TMPRSS12: variants seen among roughly 807,000 people sequenced by gnomAD.
TMPRSS12 encodes the protein transmembrane serine protease 12, also known as transmembrane protease serine 12.
In TMPRSS12, 25 loss-of-function variants were observed where a neutral mutation model predicts 26.0. The ratio of observed to expected loss-of-function variants is 0.96; its 90% CI spans 0.70 to 1.34. TMPRSS12 has a LOEUF of 1.34. Among genes scored for constraint, TMPRSS12 ranks in the 40% most tolerant of loss-of-function variants. The pLI is 0.00. For missense variants in TMPRSS12, 441 were observed against 440.1 expected (o/e 1.00, Z -0.02); for synonymous variants, 150 against 161.7 (o/e 0.93, Z 0.55).
intron 3 of TMPRSS12, among the ~76,000 whole-genome samples, chr12:50,878,809 G>A (rs56979742): frequency 0.029 from 4,485 of 152,264 alleles, 220 homozygotes; most frequent in African/African-American, 0.1. Flanking sequence ...GGTACAATCT[G>A]AATGTTTGTG....
At chr12:50,848,544 G>T (rs560999280) in intron 2 of TMPRSS12, among the ~76,000 whole-genome samples, 74 of 152,228 alleles carry the variant, frequency 4.9e-4, no homozygotes, top group Admixed American at 1.4e-3. Flanking sequence ...TCACTGAATG[G>T]CTTCCTTATA....
intron 3 of TMPRSS12, among the ~76,000 whole-genome samples, chr12:50,878,079 G>T (rs1219001146): frequency 1.3e-5 from 2 of 151,904 alleles, no homozygotes; most frequent in African/African-American, 4.8e-5. Flanking sequence ...TTGTTAATAC[G>T]GCAATTATTC....
chr12:50,848,086 G>A (rs1305187450), intron 2 of TMPRSS12: 1 of 151,352 alleles, frequency 6.6e-6, no homozygotes, highest in Non-Finnish European at 1.5e-5. Flanking sequence ...AGTTTATGGT[G>A]ATAACTTTAT....
At chr12:50,847,419 A>G (rs536365823) in intron 2 of TMPRSS12, among the ~76,000 whole-genome samples, 1 of 151,998 alleles carries the variant, frequency 6.6e-6, no homozygotes, top group Non-Finnish European at 1.5e-5. Flanking sequence ...ACTTTTTCCC[A>G]TATTGGGGAA....
intron 2 of TMPRSS12, among the ~76,000 whole-genome samples, chr12:50,846,518 A>G (rs1937769198): frequency 6.6e-6 from 1 of 151,524 alleles, no homozygotes; most frequent in African/African-American, 2.4e-5. Flanking sequence ...TTATGCTAGT[A>G]TCACACACTC....
intron 3 of TMPRSS12, among the ~76,000 whole-genome samples, chr12:50,869,937 G>A (rs1169263480): frequency 1.3e-5 from 2 of 152,124 alleles, no homozygotes; most frequent in African/African-American, 4.8e-5. Flanking sequence ...AGAAAAATTA[G>A]CTGGGCATGG....
chr12:50,866,335 C>G (rs1263838599), intron 3 of TMPRSS12, among the ~76,000 whole-genome samples: 2 of 152,080 alleles, frequency 1.3e-5, no homozygotes, highest in Non-Finnish European at 1.5e-5. Context: ...TGTGTGGGAG[C>G]TGGATGAGGC....
At chr12:50,850,946 G>A (rs2139721087) in intron 2 of TMPRSS12, among the ~76,000 whole-genome samples, 1 of 152,286 alleles carries the variant, frequency 6.6e-6, no homozygotes, top group South Asian at 2.1e-4. Flanking sequence ...GCTGAGCTGA[G>A]TCTTGTCCCC....
chr12:50,887,272 G>A lies in TMPRSS12; in HGVS notation c.806G>A (p.Gly269Glu), dbSNP rs756994379. 1.2e-6 allele frequency: 2 copies of A among 1,613,506 alleles called. No homozygotes were observed. Among genetic ancestry groups the A allele is most frequent in the Non-Finnish European group, 1.7e-6 (2 of 1,179,738 alleles). ...GAFDTCRGDS[G>E]GPLMCYLPEY... The stretch of plus-strand genomic sequence containing the variant: ...GGACTTTTTTGACAGGGTGACAGTG[G>A]GGGACCATTAATGTGCTACTTACCA... Residue 269 changes from glycine to glutamate, a missense_variant, in exon 5 of 5, where the codon GGG (glycine) becomes GAG (glutamate). Gly to Glu is a moderately conservative substitution (Grantham distance 98). Coordinates refer to ENST00000398458, the MANE Select transcript of TMPRSS12 (RefSeq NM_182559.3).
chr12:50,847,303 C>T (rs1592216140), intron 2 of TMPRSS12, among the ~76,000 whole-genome samples: 2 of 151,952 alleles, frequency 1.3e-5, no homozygotes, highest in South Asian at 2.1e-4. Flanking sequence ...GTGATCCGCC[C>T]GTCTCGGCCT....
At chr12:50,885,205 T>C (rs1306494319) in intron 3 of TMPRSS12, 41 bp from the exon 4 acceptor site, 8 of 1,534,220 alleles carry the variant, frequency 5.2e-6, no homozygotes, top group Non-Finnish European at 7.0e-6. Context: ...ACTGTAAAAA[T>C]GTCTGCTCCA....
rs1444284964 is a variant in TMPRSS12 at position 50,843,154 on chromosome 12, A to G, written c.187+3A>G. 1.3e-6 allele frequency: 2 copies of G among 1,555,564 alleles called. No homozygotes were observed. Among genetic ancestry groups the G allele is most frequent in the Non-Finnish European group, 8.7e-7 (1 of 1,148,772 alleles). On this transcript the variant is annotated splice_donor_region_variant and intron_variant, in intron 1 of 4. Transcript: ENST00000398458. ...GGAGGGAGGGGCGCATGCAGAGGGCAGTACCTGTTCGTGCCTGTCTCTGGG... is the reference window on the plus strand; with the variant it reads ...GGAGGGAGGGGCGCATGCAGAGGGCGGTACCTGTTCGTGCCTGTCTCTGGG...
chr12:50,875,809 A>G (rs1190538900), intron 3 of TMPRSS12, among the ~76,000 whole-genome samples: 1 of 152,196 alleles, frequency 6.6e-6, no homozygotes, highest in Admixed American at 6.5e-5. Flanking sequence ...CCTAGAAGAA[A>G]ACCCAAGAAA....
intron 3 of TMPRSS12, among the ~76,000 whole-genome samples, chr12:50,884,369 T>G (rs1938203096): frequency 6.6e-6 from 1 of 152,132 alleles, no homozygotes. Flanking sequence ...TAAAATCCAT[T>G]GGAATTAACA....
chr12:50,884,084 C>A (rs1938200352), intron 3 of TMPRSS12, among the ~76,000 whole-genome samples: 1 of 152,186 alleles, frequency 6.6e-6, no homozygotes, highest in South Asian at 2.1e-4. Flanking sequence ...AAAATATTTT[C>A]TGAATAAATG....
chr12:50,846,442 T>C (rs541154169), intron 2 of TMPRSS12, among the ~76,000 whole-genome samples: 1 of 152,344 alleles, frequency 6.6e-6, no homozygotes, highest in African/African-American at 2.4e-5. Context: ...TGAAAATCAA[T>C]TGATCATATA....
At chr12:50,873,959 G>A (rs2139733657) in intron 3 of TMPRSS12, among the ~76,000 whole-genome samples, 1 of 152,110 alleles carries the variant, frequency 6.6e-6, no homozygotes, top group African/African-American at 2.4e-5. Context: ...CATTATATTT[G>A]TTACACATAA....
At chr12:50,873,475 C>G (rs997842117) in intron 3 of TMPRSS12, among the ~76,000 whole-genome samples, 1 of 152,074 alleles carries the variant, frequency 6.6e-6, no homozygotes, top group Admixed American at 6.6e-5. Context: ...AGTGAATTTA[C>G]TACCAACAGT....
chr12:50,883,541 G>T (rs1335039675), intron 3 of TMPRSS12, among the ~76,000 whole-genome samples: 1 of 151,968 alleles, frequency 6.6e-6, no homozygotes, highest in Non-Finnish European at 1.5e-5. Context: ...AAAATTAGCT[G>T]GGTGTGGTGG....
Sources: allele counts gnomAD v4.1 joint callset (sites outside exome capture counted in the v4.1 genomes callset), GRCh38; gene constraint gnomAD v4.1.1; transcripts MANE v1.5; gene names NCBI Gene and HGNC (gene_info 2026-07-23, HGNC 2026-07-21).